The following MAPKBP1 variants were observed in gnomAD, a reference collection of about 807,000 sequenced individuals.
MAPKBP1 encodes the protein mitogen-activated protein kinase binding protein 1, also known as mitogen-activated protein kinase-binding protein 1.
In MAPKBP1, 71 loss-of-function variants were observed where a neutral mutation model predicts 170.5. The ratio of observed to expected loss-of-function variants is 0.42; its 90% CI spans 0.34 to 0.51. MAPKBP1 has a LOEUF of 0.51. MAPKBP1 is among the 20% of genes least tolerant of loss of function. MAPKBP1 has a pLI of 0.06. For synonymous variants in MAPKBP1, 719 were observed against 757.9 expected (o/e 0.95, Z 0.84); for missense variants, 1,598 against 1,933.0 (o/e 0.83, Z 3.25).
chr15:41,822,772 G>T, intron 27 of MAPKBP1, 95 bp downstream of exon 27: 1 of 1,511,064 alleles, frequency 6.6e-7, no homozygotes. Context: ...CTCTCCATGC[G>T]CGGGGTGTTT....
chr15:41,777,167 C>G (rs1197349344), intron 2 of MAPKBP1, among the ~76,000 whole-genome samples: 1 of 152,004 alleles, frequency 6.6e-6, no homozygotes, highest in Non-Finnish European at 1.5e-5. Context: ...ATGGTGAAAC[C>G]TCATCTCTAC....
At chr15:41,782,834 TC>T (rs2064214237) in intron 2 of MAPKBP1, among the ~76,000 whole-genome samples, 2 of 152,172 alleles carry the variant, frequency 1.3e-5, no homozygotes, top group Admixed American at 1.3e-4. Flanking sequence ...AAATACTTTG[TC>T]CCCAACATTC....
chr15:41,775,763 G>C (rs1455859760), intron 2 of MAPKBP1, among the ~76,000 whole-genome samples: 1 of 152,214 alleles, frequency 6.6e-6, no homozygotes, highest in Non-Finnish European at 1.5e-5. Flanking sequence ...GTAGCTGCAG[G>C]TGTTAACGTA....
In MAPKBP1 at chr15:41,822,944, C is replaced by T. The variant is rs772975640; in HGVS notation, c.3320C>T (p.Pro1107Leu). The T allele has an allele frequency of 6.9e-6, 11 of 1,604,382 alleles. No homozygotes were observed. Among genetic ancestry groups the T allele is most frequent in the Non-Finnish European group, 9.4e-6 (11 of 1,172,978 alleles). ...LQVQTRPLRE[P>L]SPSSSSLALM... ...CCCACATGTTCTCCCTGTAGGGAAC[C>T]ATCCCCATCCTCCTCAAGCCTGGCA... The change falls in exon 28 of 31, where the codon CCA becomes CTA. Residue 1107 changes from proline (P) to leucine (L), a missense_variant. Transcript: ENST00000457542.
intron 3 of MAPKBP1, 48 bp from the exon 4 acceptor site, chr15:41,810,835 G>C (rs777806825): frequency 1.3e-6 from 2 of 1,582,160 alleles, no homozygotes; most frequent in Non-Finnish European, 8.7e-7. Flanking sequence ...AGGGCTCCTG[G>C]GGGAGCTGTG....
At chr15:41,797,844 T>C (rs2064517835) in intron 2 of MAPKBP1, among the ~76,000 whole-genome samples, 1 of 152,162 alleles carries the variant, frequency 6.6e-6, no homozygotes, top group Non-Finnish European at 1.5e-5. Flanking sequence ...GGGACCTTTC[T>C]GGGGAATAGG....
chr15:41,790,622 G>A (rs765312088), intron 2 of MAPKBP1, among the ~76,000 whole-genome samples: 1 of 152,276 alleles, frequency 6.6e-6, no homozygotes, highest in South Asian at 2.1e-4. Context: ...ATTCTAAACC[G>A]TTAAGCAGGA....
At chr15:41,800,741 C>T (rs568488686) in intron 3 of MAPKBP1, among the ~76,000 whole-genome samples, 2 of 149,176 alleles carry the variant, frequency 1.3e-5, no homozygotes, top group Non-Finnish European at 3.0e-5. Context: ...TTCATATAAA[C>T]GGAATCAGGT....
intron 2 of MAPKBP1, among the ~76,000 whole-genome samples, chr15:41,786,575 T>C (rs899526244): frequency 6.6e-5 from 10 of 151,068 alleles, no homozygotes; most frequent in Admixed American, 2.6e-4. Flanking sequence ...CCATTGTGGC[T>C]AACACGGTGA....
intron 22 of MAPKBP1, 71 bp from the exon 23 acceptor site, chr15:41,820,761 G>A (rs1418920816): frequency 1.8e-6 from 2 of 1,107,698 alleles, no homozygotes; most frequent in African/African-American, 1.5e-5. Flanking sequence ...CATAGTAAGG[G>A]ATATGTGGAT....
chr15:41,809,379 A>G (rs1051643214), intron 3 of MAPKBP1, among the ~76,000 whole-genome samples: 5 of 152,198 alleles, frequency 3.3e-5, no homozygotes, highest in Admixed American at 6.5e-5. Context: ...ATCTAGTCAC[A>G]TCGGAGGTCC....
intron 2 of MAPKBP1, among the ~76,000 whole-genome samples, chr15:41,782,268 A>AAAAT (rs1251224499): frequency 6.6e-6 from 1 of 151,492 alleles, no homozygotes; most frequent in Non-Finnish European, 1.5e-5. Context: ...TCAAAAAAAA[A>AAAAT]AAAAAAAAAT....
At chr15:41,810,815 G>T in intron 3 of MAPKBP1, 68 bp from the exon 4 acceptor site, 1 of 1,367,754 alleles carries the variant, frequency 7.3e-7, no homozygotes, top group Non-Finnish European at 1.0e-6. Flanking sequence ...GGAAGTCCTG[G>T]GTGGCCTGGA....
rs984565258 is a variant in MAPKBP1 at position 41,775,352 on chromosome 15, G to A, written c.77G>A (p.Ser26Asn). 6.2e-7 allele frequency: 1 copy of A among 1,614,088 alleles called. No individual in the cohort carries two copies. The highest frequency in any genetic ancestry group is 1.7e-5 in the Admixed American group (1 of 60,006). Reference protein sequence around the residue: ...LRSPSIKLRRSKAGNRREDLS... With the variant: ...LRSPSIKLRRNKAGNRREDLS... ...TCTCCATCCATCAAACTGCGCAGGA[G>A]TAAGGCAGGAAACCGACGAGAGGAC... Residue 26 changes from serine to asparagine, a missense_variant, in exon 2 of 31, where the codon AGT (serine) becomes AAT (asparagine). Ser to Asn is a conservative substitution (Grantham distance 46). Coordinates refer to ENST00000457542, the MANE Select transcript of MAPKBP1 (RefSeq NM_014994.3).
chr15:41,813,370 T>A (rs753847951), intron 8 of MAPKBP1: 1 of 1,524,078 alleles, frequency 6.6e-7, no homozygotes, highest in East Asian at 2.3e-5. Flanking sequence ...TGCACCTTCC[T>A]CTCTTTCTCA....
At chr15:41,782,919 A>G (rs975511641) in intron 2 of MAPKBP1, among the ~76,000 whole-genome samples, 5 of 152,182 alleles carry the variant, frequency 3.3e-5, no homozygotes, top group Admixed American at 2.0e-4. Context: ...TTGTCCATCT[A>G]TATCCTTACT....
rs1472438225 is a variant in MAPKBP1 at position 41,817,435 on chromosome 15, A to G, written c.1759A>G (p.Ile587Val). 6.2e-7 allele frequency: 1 copy of G among 1,611,416 alleles called. No individual in the cohort carries two copies. Among genetic ancestry groups the G allele is most frequent in the African/African-American group, 1.3e-5 (1 of 74,776 alleles). Residue 587 changes from isoleucine to valine, a missense_variant, in exon 15 of 31, where the codon ATC becomes GTC. Transcript: ENST00000457542. The surrounding 1 kb of genome is among the most constrained non-coding windows in gnomAD (Gnocchi z 4.2). ...RMISCGADKSIYFRTAQKSGD... is the reference protein window; with the variant it reads ...RMISCGADKSVYFRTAQKSGD... ...GATCAGCTGTGGAGCAGACAAGAGCATCTACTTCCGCACTGCGCAGAAGGT... is the reference window on the plus strand; with the variant it reads ...GATCAGCTGTGGAGCAGACAAGAGCGTCTACTTCCGCACTGCGCAGAAGGT...
At chr15:41,797,162 C>A (rs1179922851) in intron 2 of MAPKBP1, among the ~76,000 whole-genome samples, 1 of 152,098 alleles carries the variant, frequency 6.6e-6, no homozygotes, top group African/African-American at 2.4e-5. Flanking sequence ...GATCATCTAC[C>A]CACAAAACAC....
chr15:41,812,504 C>T lies in MAPKBP1; in HGVS notation c.499-12C>T, dbSNP rs372314519. On this transcript the variant is annotated splice_polypyrimidine_tract_variant and intron_variant, in intron 6 of 30. Coordinates refer to ENST00000457542, the MANE Select transcript of MAPKBP1 (RefSeq NM_014994.3). Reference sequence around the variant, plus strand: ...GACAGAGCCTTGATTCTTCCTTTGGCATCCCCTCCAGAAAAACATTGTGGT... The same window carrying T: ...GACAGAGCCTTGATTCTTCCTTTGGTATCCCCTCCAGAAAAACATTGTGGT... 46 of 1,614,126 alleles carry T rather than the reference C, an allele frequency of 2.8e-5. No individual in the cohort carries two copies. The highest frequency in any genetic ancestry group is 3.9e-5 in the Non-Finnish European group (46 of 1,180,044).
Sources: allele counts gnomAD v4.1 joint callset (sites outside exome capture counted in the v4.1 genomes callset), GRCh38; gene constraint gnomAD v4.1.1; non-coding constraint Gnocchi (gnomAD v3.1); transcripts MANE v1.5; gene names NCBI Gene and HGNC (gene_info 2026-07-23, HGNC 2026-07-21).